Variants in JPH3 observed in about 807,000 individuals in gnomAD.
JPH3 encodes junctophilin-3.
In JPH3, 11 loss-of-function variants were observed where a neutral mutation model predicts 59.6. The observed-to-expected ratio is 0.18, with a 90% confidence interval of 0.12 to 0.31. JPH3 has a LOEUF of 0.31. JPH3 is among the 10% of genes least tolerant of loss of function. JPH3 has a pLI of 1.00. For synonymous variants in JPH3, 673 were observed against 483.6 expected, an observed-to-expected ratio of 1.39 and a Z score of -5.14; for missense variants, 1,202 against 1,105.7, an observed-to-expected ratio of 1.09 and a Z score of -1.24.
At chr16:87,691,973 T>C (rs1236031656) in intron 4 of JPH3, among the ~76,000 whole-genome samples, 2 of 152,244 alleles carry the variant, frequency 1.3e-5, no homozygotes, top group South Asian at 2.1e-4. Flanking sequence ...TGAACCTCCC[T>C]GGGGGTCAAT....
chr16:87,664,878 G>C (rs555802817), intron 2 of JPH3, among the ~76,000 whole-genome samples: 1 of 152,160 alleles, frequency 6.6e-6, no homozygotes, highest in Non-Finnish European at 1.5e-5. Context: ...CCAAGGAAGC[G>C]TCATGAGGAC....
rs56053716 is a variant in JPH3 at position 87,616,190 on chromosome 16, T to TTGTGTGTGTGTGTG, written c.382+12696_382+12709dup. ...AGCAGAACAGCAACGCAATCTGGTT[T>TTGTGTGTGTGTGTG]TGTGTGTGTGTGTGTGTGTGTGTGT... On this transcript the variant is annotated intron_variant, in intron 1 of 4. Transcript: ENST00000284262. 3.6e-4 allele frequency among the ~76,000 whole-genome samples: 42 copies of TTGTGTGTGTGTGTG among 116,016 alleles called. 2 individuals carry two copies. The highest frequency in any genetic ancestry group is 2.7e-3 in the East Asian group (10 of 3,738). The allele number at this position is 116,016 out of a possible 152,430, so 76.1% of individuals were successfully genotyped here.
intron 2 of JPH3, among the ~76,000 whole-genome samples, chr16:87,675,243 A>T (rs527292064): frequency 8.0e-6 from 1 of 124,228 alleles, no homozygotes; most frequent in Non-Finnish European, 1.6e-5. Context: ...GGCCTTTTGC[A>T]TCCTGGAGCT....
chr16:87,649,356 A>T (rs1342293396), intron 2 of JPH3, among the ~76,000 whole-genome samples: 1 of 152,230 alleles, frequency 6.6e-6, no homozygotes, highest in African/African-American at 2.4e-5. Context: ...ATCTCCTGCC[A>T]GGAGGGCACA....
chr16:87,628,869 T>C (rs948548472), intron 1 of JPH3, among the ~76,000 whole-genome samples: 2 of 151,998 alleles, frequency 1.3e-5, no homozygotes, highest in African/African-American at 2.4e-5. Flanking sequence ...CCAATGTTCA[T>C]TGGGAGTCAC....
intron 2 of JPH3, chr16:87,654,005 C>T (rs2150852871): frequency 6.6e-6 from 1 of 152,376 alleles, no homozygotes; most frequent in Admixed American, 6.5e-5. Flanking sequence ...CACTCTACTC[C>T]ATTGTGTGAG....
chr16:87,671,592 G>A (rs1567608538), intron 2 of JPH3, among the ~76,000 whole-genome samples: 1 of 135,634 alleles, frequency 7.4e-6, no homozygotes, highest in African/African-American at 2.8e-5. Flanking sequence ...CTGGGGTCCA[G>A]GCCGCCTGCA....
chr16:87,692,000 A>G (rs1244259081), intron 4 of JPH3, among the ~76,000 whole-genome samples: 1 of 152,116 alleles, frequency 6.6e-6, no homozygotes, highest in African/African-American at 2.4e-5. Context: ...GCTGGGGACA[A>G]GTGCCAAGCT....
chr16:87,604,330 T>TGC (rs749784732), intron 1 of JPH3: 6 of 1,136,908 alleles, frequency 5.3e-6, no homozygotes, highest in African/African-American at 2.2e-5. Flanking sequence ...GCTGCTGCTG[T>TGC]AAGATGGTTT....
intron 1 of JPH3, among the ~76,000 whole-genome samples, chr16:87,636,718 C>T (rs2031761622): frequency 1.3e-5 from 2 of 152,224 alleles, no homozygotes; most frequent in Admixed American, 6.5e-5. Flanking sequence ...GGCAAAAATC[C>T]AACACCGTGC....
At chr16:87,689,367 G>A (rs1217944196) in intron 3 of JPH3, among the ~76,000 whole-genome samples, 2 of 152,180 alleles carry the variant, frequency 1.3e-5, no homozygotes, top group East Asian at 3.9e-4. Context: ...CGAGCCTTGG[G>A]TCTCCCTTGT....
At chr16:87,619,413 C>T (rs796927086) in intron 1 of JPH3, among the ~76,000 whole-genome samples, 8 of 152,308 alleles carry the variant, frequency 5.3e-5, no homozygotes, top group African/African-American at 1.9e-4. Context: ...CTCCCCTGCA[C>T]CCCAGCCCAC....
At chr16:87,647,047 C>T (rs1373476655) in intron 2 of JPH3, among the ~76,000 whole-genome samples, 1 of 152,146 alleles carries the variant, frequency 6.6e-6, no homozygotes, top group Non-Finnish European at 1.5e-5. Flanking sequence ...CTCTCTGGAC[C>T]TCAACTTCTA....
intron 3 of JPH3, among the ~76,000 whole-genome samples, chr16:87,685,703 ACCAAC>A (rs1330034540): frequency 2.0e-5 from 3 of 152,190 alleles, no homozygotes; most frequent in African/African-American, 2.4e-5. Context: ...GATTCCACGT[ACCAAC>A]CCTGGCCCAT....
chr16:87,672,554 T>C (rs937546577), intron 2 of JPH3, among the ~76,000 whole-genome samples: 22 of 152,238 alleles, frequency 1.4e-4, no homozygotes, highest in African/African-American at 3.6e-4. Flanking sequence ...TCATCCTGTA[T>C]TGGGGGAGAA....
intron 3 of JPH3, among the ~76,000 whole-genome samples, chr16:87,689,295 A>C (rs1219550518): frequency 6.6e-6 from 1 of 152,128 alleles, no homozygotes; most frequent in Non-Finnish European, 1.5e-5. Context: ...TCTTACCCTC[A>C]GGACAGGCGA....
chr16:87,667,144 C>T (rs566636787), intron 2 of JPH3, among the ~76,000 whole-genome samples: 22 of 152,348 alleles, frequency 1.4e-4, no homozygotes, highest in Admixed American at 1.4e-3. Context: ...TCACTTGTTG[C>T]TGCTGTCTCC....
At chr16:87,684,729 G>T (rs1050629470) in intron 3 of JPH3, among the ~76,000 whole-genome samples, 1 of 152,256 alleles carries the variant, frequency 6.6e-6, no homozygotes, top group Admixed American at 6.5e-5. Flanking sequence ...ACACCCAGTG[G>T]CTGCTGGGTT....
intron 2 of JPH3, among the ~76,000 whole-genome samples, chr16:87,678,485 G>A (rs570762853): frequency 6.6e-6 from 1 of 152,214 alleles, no homozygotes; most frequent in East Asian, 1.9e-4. Context: ...GTTGCAGTGA[G>A]CCGAGATCAT....
Sources: allele counts gnomAD v4.1 joint callset (sites outside exome capture counted in the v4.1 genomes callset), GRCh38; gene constraint gnomAD v4.1.1; transcripts MANE v1.5; gene names NCBI Gene and HGNC (gene_info 2026-07-23, HGNC 2026-07-21).